HEATR5A: variants seen among roughly 807,000 people sequenced by gnomAD.
HEATR5A encodes the protein HEAT repeat containing 5A, also known as HEAT repeat-containing protein 5A.
HEATR5A carries 178 observed loss-of-function variants against 218.8 expected under a neutral mutation model. The observed-to-expected ratio is 0.81, with a 90% CI of 0.72 to 0.92. HEATR5A has a LOEUF of 0.92. Among genes scored for constraint, HEATR5A ranks in the 40% least tolerant of loss-of-function variants. The pLI is 0.00. For missense variants in HEATR5A, 2,420 were observed against 2,418.9 expected (o/e 1.00, Z -0.01); for synonymous variants, 864 against 871.6 (o/e 0.99, Z 0.15).
chr14:31,359,645 G>C (rs984859157), intron 14 of HEATR5A, among the ~76,000 whole-genome samples: 1 of 137,582 alleles, frequency 7.3e-6, no homozygotes, highest in Non-Finnish European at 1.5e-5. Context: ...AAAATCGCTT[G>C]AATCTGGGAG....
At chr14:31,403,343 G>A (rs1180634155) in intron 1 of HEATR5A, among the ~76,000 whole-genome samples, 2 of 152,196 alleles carry the variant, frequency 1.3e-5, no homozygotes, top group African/African-American at 4.8e-5. Context: ...AGATTAGGCT[G>A]TTTATTCTGT....
At chr14:31,368,458 G>C (rs1901886236) in intron 13 of HEATR5A, among the ~76,000 whole-genome samples, 1 of 152,162 alleles carries the variant, frequency 6.6e-6, no homozygotes, top group Non-Finnish European at 1.5e-5. Context: ...ATCGGTTCCA[G>C]ATGACTTAAA....
Position 31,395,324 on chromosome 14 carries a change from G to C in HEATR5A, c.472C>G (p.Leu158Val). ...AESQGRYEIM[L>V]SLQNILNGLG... is the part of the protein sequence containing the mutation. ...CCATTCAATATATTTTGCAGACTTA[G>C]CATAATCTCATATCGGCCTTGAGAC... Residue 158 changes from leucine (L) to valine (V), a missense_variant, in exon 5 of 36, where the codon CTA becomes GTA. By Grantham distance (32) the Leu-to-Val change is conservative. Transcript: ENST00000543095. 1 of 1,523,632 alleles carries C rather than the reference G, an allele frequency of 6.6e-7. No individual in the cohort carries two copies. 94.4% of individuals were successfully genotyped at this position (1,523,632 alleles called of 1,614,324 possible). A position where few individuals can be genotyped will look rare whatever the true frequency, so the allele number is the denominator to read the frequency against.
At chr14:31,295,550 T>G (rs1188741951) in intron 34 of HEATR5A, 1 of 146,992 alleles carries the variant, frequency 6.8e-6, no homozygotes, top group African/African-American at 2.6e-5. Flanking sequence ...GTGCCTGGCC[T>G]CCCTTTCTTT....
At chr14:31,320,465 C>A in intron 25 of HEATR5A, 1 of 1,365,630 alleles carries the variant, frequency 7.3e-7, no homozygotes, top group South Asian at 1.2e-5. Flanking sequence ...GGAGACAACA[C>A]TGGTCTGGAA....
chr14:31,325,484 A>ATG (rs1900236017), intron 23 of HEATR5A, among the ~76,000 whole-genome samples: 23 of 142,168 alleles, frequency 1.6e-4, no homozygotes, highest in African/African-American at 3.9e-4. Context: ...ATGTATGAAC[A>ATG]TATGTATGTA....
At chr14:31,370,893 G>A (rs543383512) in intron 13 of HEATR5A, among the ~76,000 whole-genome samples, 1 of 152,262 alleles carries the variant, frequency 6.6e-6, no homozygotes, top group South Asian at 2.1e-4. Context: ...AAAAATATGT[G>A]ATACACTTTT....
intron 29 of HEATR5A, 47 bp downstream of exon 29, chr14:31,308,887 A>G (rs766382975): frequency 6.6e-7 from 1 of 1,514,426 alleles, no homozygotes; most frequent in Non-Finnish European, 8.9e-7. Flanking sequence ...AAAAAAAAAA[A>G]CAAAAAACCC....
Position 31,386,506 on chromosome 14 carries a change from A to C in HEATR5A, c.1259T>G (p.Met420Arg). The C allele has an allele frequency of 6.2e-7, 1 of 1,612,402 alleles. No individual in the cohort carries two copies. Among genetic ancestry groups the C allele is most frequent in the South Asian group, 1.1e-5 (1 of 90,612 alleles). ...GSTDVAASQHMLVCALQELGN... is the reference protein window; with the variant it reads ...GSTDVAASQHRLVCALQELGN... ...AAGTTCTTGTAAAGCACAAACCAGCATATGTTGGCTAGCGGCTACATCTGT... is the reference window on the plus strand; with the variant it reads ...AAGTTCTTGTAAAGCACAAACCAGCCTATGTTGGCTAGCGGCTACATCTGT... Residue 420 changes from methionine to arginine, a missense_variant, in exon 9 of 36, where the codon ATG (methionine) becomes AGG (arginine). Physicochemically the swap from Met to Arg is moderately conservative, Grantham distance 91. Coordinates refer to ENST00000543095, the MANE Select transcript of HEATR5A (RefSeq NM_015473.4).
chr14:31,311,136 G>A (rs574773237), intron 28 of HEATR5A, among the ~76,000 whole-genome samples: 21 of 151,854 alleles, frequency 1.4e-4, no homozygotes, highest in Admixed American at 3.3e-4. Context: ...ATATCAAAAA[G>A]TAAAAATACA....
Position 31,387,161 on chromosome 14 carries a change from T to C in HEATR5A, c.1148A>G (p.Lys383Arg). 2.5e-6 allele frequency: 4 copies of C among 1,613,988 alleles called. No individual in the cohort carries two copies. The highest frequency in any genetic ancestry group is 3.4e-6 in the Non-Finnish European group (4 of 1,179,886). ...LGEKAQLAAV[K>R]DICQAIWKLK... is the part of the protein sequence containing the mutation. ...CTTCCAGATGGCCTGGCAAATATCCTTTACAGCAGCAAGCTGAGCCTTTTC... is the reference window on the plus strand; with the variant it reads ...CTTCCAGATGGCCTGGCAAATATCCCTTACAGCAGCAAGCTGAGCCTTTTC... The change falls in exon 8 of 36, where the codon AAG (lysine) becomes AGG (arginine). Residue 383 changes from lysine (K) to arginine (R), a missense_variant. Coordinates refer to ENST00000543095, the MANE Select transcript of HEATR5A (RefSeq NM_015473.4).
chr14:31,397,047 A>C (rs539551006), intron 4 of HEATR5A, among the ~76,000 whole-genome samples: 1 of 152,334 alleles, frequency 6.6e-6, no homozygotes, highest in Non-Finnish European at 1.5e-5. Flanking sequence ...GTTCTCCTTA[A>C]TCATTTTCTT....
At chr14:31,373,803 C>CTCTTCTGCATCTGCCCCCCG (rs1902125260) in intron 12 of HEATR5A, among the ~76,000 whole-genome samples, 2 of 152,216 alleles carry the variant, frequency 1.3e-5, no homozygotes, top group African/African-American at 4.8e-5. Context: ...CCTGCTCCAC[C>CTCTTCTGCATCTGCCCCCCG]TCTTCTGCAT....
intron 1 of HEATR5A, 21 bp from the exon 2 acceptor site, chr14:31,403,070 G>T: frequency 1.7e-6 from 2 of 1,170,504 alleles, no homozygotes; most frequent in South Asian, 2.0e-5. Context: ...GGAAAATAAT[G>T]TATTTTAAAA....
intron 21 of HEATR5A, among the ~76,000 whole-genome samples, chr14:31,341,037 T>A (rs1186587965): frequency 3.3e-5 from 5 of 152,214 alleles, no homozygotes; most frequent in African/African-American, 1.2e-4. Context: ...TGCAATTTCC[T>A]TACTTTGGTG....
chr14:31,387,249 C>A lies in HEATR5A; in HGVS notation c.1060G>T (p.Ala354Ser), dbSNP rs763365506. The A allele has an allele frequency of 1.2e-6, 2 of 1,613,914 alleles. No homozygotes were observed. Among genetic ancestry groups the A allele is most frequent in the South Asian group, 2.2e-5 (2 of 91,082 alleles). Reference sequence around the variant, plus strand: ...GAAACACAACGGCGACAGCAGACGGCATCGATCTGAGTTTGGGTGGCTTTA... The same window carrying A: ...GAAACACAACGGCGACAGCAGACGGAATCGATCTGAGTTTGGGTGGCTTTA... The part of the protein sequence containing the change: ...HPKATQTQID[A>S]VCCRRCVSFI... The change falls in exon 8 of 36, where the codon GCC becomes TCC. Residue 354 changes from alanine to serine, a missense_variant. Physicochemically the swap from Ala to Ser is moderately conservative, Grantham distance 99 (BLOSUM62 1). Coordinates refer to ENST00000543095, the MANE Select transcript of HEATR5A (RefSeq NM_015473.4).
intron 21 of HEATR5A, among the ~76,000 whole-genome samples, chr14:31,337,863 T>G (rs1900718080): frequency 6.6e-6 from 1 of 152,242 alleles, no homozygotes; most frequent in African/African-American, 2.4e-5. Flanking sequence ...AAAAGTCTTT[T>G]GGCAGTGTCA....
intron 22 of HEATR5A, among the ~76,000 whole-genome samples, chr14:31,331,581 A>G (rs1900473365): frequency 6.6e-6 from 1 of 152,180 alleles, no homozygotes; most frequent in African/African-American, 2.4e-5. Context: ...ATTTTTGGGT[A>G]TCTTTATAGC....
chr14:31,308,858 G>T, intron 29 of HEATR5A, 76 bp downstream of exon 29: 1 of 1,321,312 alleles, frequency 7.6e-7, no homozygotes, highest in Non-Finnish European at 1.0e-6. Flanking sequence ...CTGGGTGAAA[G>T]AGCAAAACTC....
Sources: allele counts gnomAD v4.1 joint callset (sites outside exome capture counted in the v4.1 genomes callset), GRCh38; gene constraint gnomAD v4.1.1; transcripts MANE v1.5; gene names NCBI Gene and HGNC (gene_info 2026-07-23, HGNC 2026-07-21).